Variants in SNHG17 observed in about 807,000 individuals in gnomAD.
SNHG17 encodes the protein small nucleolar RNA host gene 17.
chr20:38,423,118 T>C (rs2084186602), intron 5 of SNHG17, among the ~76,000 whole-genome samples: 1 of 150,646 alleles, frequency 6.6e-6, no homozygotes, highest in South Asian at 2.1e-4. Context: ...GACCCTGGGC[T>C]AGGCATGGCA....
At chr20:38,426,592 G>C (rs1470157109) in intron 3 of SNHG17, 1 of 151,026 alleles carries the variant, frequency 6.6e-6, no homozygotes, top group Non-Finnish European at 1.5e-5. Flanking sequence ...CTCTCAATCG[G>C]GGTGGGATGG....
intron 5 of SNHG17, among the ~76,000 whole-genome samples, chr20:38,423,339 G>C (rs554951161): frequency 1.2e-4 from 17 of 147,446 alleles, no homozygotes; most frequent in African/African-American, 3.2e-4. Flanking sequence ...AGAGGTTGCA[G>C]TGAGCAAACA....
chr20:38,425,405 C>T (rs1294898605), intron 5 of SNHG17: 1 of 465,378 alleles, frequency 2.1e-6, no homozygotes, highest in African/African-American at 2.0e-5. Context: ...ACTAAGAGAC[C>T]TGGAAACAAG....
chr20:38,432,006 C>A, intron 2 of SNHG17: 1 of 985,432 alleles, frequency 1.0e-6, no homozygotes, highest in Non-Finnish European at 1.2e-6. Context: ...CATAGAACAC[C>A]ATGGTCCACC....
rs898152817 is a variant in SNHG17, at chr20:38,422,724, T to C, written n.580-483A>G. Among the ~76,000 whole-genome samples, 30 of 152,008 alleles carry C rather than the reference T, an allele frequency of 2.0e-4. 1 individual carries two copies. Among genetic ancestry groups the C allele is most frequent in the African/African-American group, 6.0e-4 (25 of 41,370 alleles). On this transcript the variant is annotated intron_variant and non_coding_transcript_variant, in intron 5 of 8. Coordinates refer to ENST00000654008, the Ensembl canonical transcript of SNHG17. Reference sequence around the variant, plus strand: ...AACAATCTAAGTCTCCATCAACAGATGAATGGAAAAAGAAAATGTGGCATA... The same window carrying C: ...AACAATCTAAGTCTCCATCAACAGACGAATGGAAAAAGAAAATGTGGCATA...
chr20:38,423,125 G>A (rs952032966), intron 5 of SNHG17, among the ~76,000 whole-genome samples: 1 of 151,588 alleles, frequency 6.6e-6, no homozygotes, highest in African/African-American at 2.4e-5. Context: ...GGCTAGGCAT[G>A]GCAGTCCATG....
intron 1 of SNHG17, chr20:38,434,885 G>A (rs2084405626): frequency 1.6e-6 from 2 of 1,214,470 alleles, no homozygotes; most frequent in Non-Finnish European, 2.0e-6. Context: ...CCAGGAGTCG[G>A]GGGCGGGCAG....
At chr20:38,434,433 A>C (rs2084395926) in intron 2 of SNHG17, 1 of 193,080 alleles carries the variant, frequency 5.2e-6, no homozygotes, top group Non-Finnish European at 1.1e-5. Context: ...GGCTGAGCTC[A>C]TTGACTGTCC....
exon 5 of SNHG17, chr20:38,425,976 T>C (rs1439748022): frequency 1.3e-5 from 2 of 150,524 alleles, no homozygotes; most frequent in African/African-American, 4.9e-5. Flanking sequence ...GGAGGATCAC[T>C]TGAGCCCAGG....
rs376094274 is a variant in SNHG17 at position 38,430,600 on chromosome 20, C to T, written n.380+441G>A. On this transcript the variant is annotated intron_variant and non_coding_transcript_variant, in intron 3 of 8. Transcript: ENST00000654008. ...TCATGCCATTGCACTCTAGCCTGGGCGACAGAGCAAGACTCTGTCTCAAAA... is the reference window on the plus strand; with the variant it reads ...TCATGCCATTGCACTCTAGCCTGGGTGACAGAGCAAGACTCTGTCTCAAAA... 1.4e-4 allele frequency among the ~76,000 whole-genome samples: 21 copies of T among 152,066 alleles called. No homozygotes were observed. In the East Asian group the frequency reaches 2.7e-3, roughly 20 times the overall value.
chr20:38,422,751 GCACACACACA>G (rs371804031), intron 5 of SNHG17, among the ~76,000 whole-genome samples: 1 of 151,618 alleles, frequency 6.6e-6, no homozygotes, highest in South Asian at 2.1e-4. Flanking sequence ...TGTGGCATAC[GCACACACACA>G]CACGCACACA....
chr20:38,432,060 A>T, intron 2 of SNHG17: 1 of 985,386 alleles, frequency 1.0e-6, no homozygotes, highest in Non-Finnish European at 1.2e-6. Flanking sequence ...GCCTCTCTGC[A>T]CCAATCAGCC....
chr20:38,423,129 G>A (rs1009644087), intron 5 of SNHG17, among the ~76,000 whole-genome samples: 1 of 151,652 alleles, frequency 6.6e-6, no homozygotes, highest in Non-Finnish European at 1.5e-5. Context: ...AGGCATGGCA[G>A]TCCATGCCTG....
At chr20:38,423,323 G>A (rs1049883388) in intron 5 of SNHG17, among the ~76,000 whole-genome samples, 2 of 149,402 alleles carry the variant, frequency 1.3e-5, no homozygotes, top group African/African-American at 4.9e-5. Flanking sequence ...CTTAAGCCCA[G>A]GAGACAGAGG....
chr20:38,424,064 C>T (rs1215484757), intron 5 of SNHG17, among the ~76,000 whole-genome samples: 4 of 151,526 alleles, frequency 2.6e-5, no homozygotes, highest in African/African-American at 9.7e-5. Flanking sequence ...CCCAGCTACT[C>T]GGAGGCTGAG....
chr20:38,425,198 T>C (rs1022096879), intron 5 of SNHG17: 1 of 518,982 alleles, frequency 1.9e-6, no homozygotes, highest in South Asian at 1.4e-5. Flanking sequence ...AATAAAGGCA[T>C]GTACGAAAGC....
intron 5 of SNHG17, among the ~76,000 whole-genome samples, chr20:38,424,062 C>T (rs1044883506): frequency 1.3e-5 from 2 of 151,798 alleles, no homozygotes; most frequent in African/African-American, 4.8e-5. Flanking sequence ...ATCCCAGCTA[C>T]TCGGAGGCTG....
At chr20:38,432,100 G>A (rs2084349925) in intron 2 of SNHG17, 1 of 985,292 alleles carries the variant, frequency 1.0e-6, no homozygotes, top group Admixed American at 6.2e-5. Context: ...AGCCCTGGAT[G>A]AGCTATCTAG....
chr20:38,426,989 TACACATACACACACAC>T (rs879816854), intron 3 of SNHG17, among the ~76,000 whole-genome samples: 4 of 112,688 alleles, frequency 3.5e-5, no homozygotes, highest in African/African-American at 9.8e-5. Flanking sequence ...GTCCCCAAGT[TACACATACACACACAC>T]ACACACACAC....
Sources: allele counts gnomAD v4.1 joint callset (sites outside exome capture counted in the v4.1 genomes callset), GRCh38; gene constraint gnomAD v4.1.1; transcripts MANE v1.5; gene names NCBI Gene and HGNC (gene_info 2026-07-23, HGNC 2026-07-21).